SNTB2: variants seen among roughly 807,000 people sequenced by gnomAD.
SNTB2 encodes syntrophin beta 2, also known as beta-2-syntrophin.
A neutral mutation model predicts 46.2 loss-of-function variants in SNTB2; 34 were observed. That is an observed-to-expected ratio of 0.74 (90% CI 0.56 to 0.98). The LOEUF is 0.98. SNTB2 is among the 50% of genes least tolerant of loss of function. The probability of loss-of-function intolerance (pLI) is 0.00; values close to 1 mark genes in which losing one functional copy is unlikely to be tolerated. For missense variants in SNTB2, 603 were observed against 731.4 expected (o/e 0.82, Z 2.02); for synonymous variants, 290 against 312.6 (o/e 0.93, Z 0.76).
At chr16:69,287,718 G>A (rs993768619) in intron 5 of SNTB2, among the ~76,000 whole-genome samples, 1 of 151,986 alleles carries the variant, frequency 6.6e-6, no homozygotes, top group African/African-American at 2.4e-5. Flanking sequence ...AATTAGCTGA[G>A]CATAGTGGCA....
chr16:69,196,218 A>C (rs984331269), intron 1 of SNTB2, among the ~76,000 whole-genome samples: 2 of 152,152 alleles, frequency 1.3e-5, no homozygotes, highest in African/African-American at 4.8e-5. Context: ...CAGCTTGGGC[A>C]ATGGAGCAAG....
chr16:69,283,723 T>C (rs1047803645), intron 4 of SNTB2, among the ~76,000 whole-genome samples: 3 of 152,122 alleles, frequency 2.0e-5, no homozygotes, highest in Non-Finnish European at 4.4e-5. Flanking sequence ...CATGGAAAAT[T>C]AGGGCCACGG....
At chr16:69,299,383 C>T (rs11640482) in intron 5 of SNTB2, among the ~76,000 whole-genome samples, 7,630 of 152,166 alleles carry the variant, frequency 0.05, 267 homozygotes, top group Non-Finnish European at 0.071. Flanking sequence ...CTTTGCGATC[C>T]GCCTGCCTCG....
chr16:69,194,822 G>A (rs1281682709), intron 1 of SNTB2, among the ~76,000 whole-genome samples: 5 of 152,126 alleles, frequency 3.3e-5, no homozygotes, highest in Non-Finnish European at 5.9e-5. Flanking sequence ...GAAGAAGGGG[G>A]AATGGATGCT....
At chr16:69,196,993 G>A (rs1047726416) in intron 1 of SNTB2, among the ~76,000 whole-genome samples, 24 of 151,920 alleles carry the variant, frequency 1.6e-4, no homozygotes, top group African/African-American at 5.6e-4. Context: ...AGGTTATCCA[G>A]TTAATGTCTC....
chr16:69,188,890 G>A (rs1033645481), intron 1 of SNTB2, among the ~76,000 whole-genome samples: 1 of 152,196 alleles, frequency 6.6e-6, no homozygotes, highest in African/African-American at 2.4e-5. Flanking sequence ...GAATTAGCCA[G>A]GGAGGACTTT....
intron 4 of SNTB2, among the ~76,000 whole-genome samples, chr16:69,275,418 C>T (rs1228977418): frequency 1.3e-5 from 2 of 152,168 alleles, no homozygotes; most frequent in Non-Finnish European, 2.9e-5. Flanking sequence ...TTCTTTACTC[C>T]TTGTTCAGGA....
Position 69,248,888 on chromosome 16 carries a change from A to T in SNTB2, c.794+3073A>T, listed in dbSNP as rs1180897310. Among the ~76,000 whole-genome samples, 37 of 140,746 alleles carry T rather than the reference A, an allele frequency of 2.6e-4. 1 individual carries two copies. The highest frequency in any genetic ancestry group is 4.5e-4 in the South Asian group (2 of 4,450). 92.3% of individuals were successfully genotyped at this position (140,746 alleles called of 152,430 possible). A position where few individuals can be genotyped will look rare whatever the true frequency, so the allele number is the denominator to read the frequency against. Reference sequence around the variant, plus strand: ...CATGGGCTTTTTTTTTTTTTTTTTTAAAGTTAGGGGCCTTAGAGAATTAAA... The same window carrying T: ...CATGGGCTTTTTTTTTTTTTTTTTTTAAGTTAGGGGCCTTAGAGAATTAAA... On this transcript the variant is annotated intron_variant, in intron 2 of 6. Coordinates refer to ENST00000336278, the MANE Select transcript of SNTB2 (RefSeq NM_006750.4).
At chr16:69,255,431 G>T (rs1964763787) in intron 2 of SNTB2, among the ~76,000 whole-genome samples, 1 of 152,060 alleles carries the variant, frequency 6.6e-6, no homozygotes, top group Admixed American at 6.6e-5. Flanking sequence ...CATGGTGGTG[G>T]TGCCTGTAGT....
rs1965281125 is a variant in SNTB2, at chr16:69,302,115, G to A, written c.*1191G>A. 1 of 152,142 alleles carries A rather than the reference G, an allele frequency of 6.6e-6. No homozygotes were observed. Among genetic ancestry groups the A allele is most frequent in the African/African-American group, 2.4e-5 (1 of 41,424 alleles). 9.4% of individuals were successfully genotyped at this position (152,142 alleles called of 1,614,324 possible). On this transcript the variant is annotated 3_prime_UTR_variant, in exon 7 of 7. Coordinates refer to ENST00000336278, the MANE Select transcript of SNTB2 (RefSeq NM_006750.4). ...CATGGACAAGCAACTGCTAATTCGA[G>A]ACTTACTATTGGCTTCACAGCACAC... is the stretch of plus-strand genomic sequence containing the variant.
At chr16:69,200,873 T>G (rs1223639855) in intron 1 of SNTB2, among the ~76,000 whole-genome samples, 1 of 152,192 alleles carries the variant, frequency 6.6e-6, no homozygotes, top group Non-Finnish European at 1.5e-5. Context: ...TGCTTTTACT[T>G]TACCCTCACC....
At chr16:69,244,925 T>G (rs1386105516) in intron 1 of SNTB2, among the ~76,000 whole-genome samples, 1 of 152,104 alleles carries the variant, frequency 6.6e-6, no homozygotes, top group Non-Finnish European at 1.5e-5. Context: ...CTAATAAAAG[T>G]TGATTGAGTT....
At chr16:69,270,935 T>G (rs915894203) in intron 4 of SNTB2, among the ~76,000 whole-genome samples, 6 of 152,158 alleles carry the variant, frequency 3.9e-5, no homozygotes, top group African/African-American at 1.4e-4. Flanking sequence ...AAGAATCAGG[T>G]GTTGATATAA....
rs1461742728 is a variant in SNTB2, at chr16:69,214,141, TA to T, written c.580+26396del. Among the ~76,000 whole-genome samples the T allele has an allele frequency of 6.7e-4, 100 of 148,182 alleles. 2 individuals carry two copies. Among genetic ancestry groups the T allele is most frequent in the Non-Finnish European group, 1.1e-3 (73 of 66,960 alleles). On this transcript the variant is annotated intron_variant, in intron 1 of 6. Coordinates refer to ENST00000336278, the MANE Select transcript of SNTB2 (RefSeq NM_006750.4). Reference sequence around the variant, plus strand: ...CCCAGCCTTTTATTTTTTTTTTTTTTATTTTTTTTGAGACAGTCTCGCTCTG... The same window carrying T: ...CCCAGCCTTTTATTTTTTTTTTTTTTTTTTTTTTGAGACAGTCTCGCTCTG...
At chr16:69,210,489 C>T (rs182572015) in intron 1 of SNTB2, among the ~76,000 whole-genome samples, 3 of 151,494 alleles carry the variant, frequency 2.0e-5, no homozygotes, top group Non-Finnish European at 2.9e-5. Flanking sequence ...CCACCTGCCT[C>T]GGCCTCCCAG....
intron 3 of SNTB2, among the ~76,000 whole-genome samples, chr16:69,269,476 C>T (rs564420017): frequency 3.9e-4 from 59 of 151,964 alleles, no homozygotes; most frequent in Non-Finnish European, 6.5e-4. Flanking sequence ...GCGATTGTCC[C>T]GCTGCACTCC....
chr16:69,271,988 G>C (rs1964941892), intron 4 of SNTB2, among the ~76,000 whole-genome samples: 1 of 152,142 alleles, frequency 6.6e-6, no homozygotes, highest in Non-Finnish European at 1.5e-5. Context: ...AAAAGATACA[G>C]ACAAGATTTA....
intron 1 of SNTB2, among the ~76,000 whole-genome samples, chr16:69,205,295 A>T (rs1451966892): frequency 6.0e-5 from 9 of 149,392 alleles, no homozygotes; most frequent in Admixed American, 6.0e-4. Flanking sequence ...GACTACAGGC[A>T]CGCGCCACCA....
intron 1 of SNTB2, among the ~76,000 whole-genome samples, chr16:69,220,164 T>TC (rs1964387330): frequency 7.0e-6 from 1 of 142,758 alleles, no homozygotes; most frequent in African/African-American, 2.6e-5. Flanking sequence ...ATTTTTTTTT[T>TC]TTTTTTTTTT....
Sources: gnomAD v4.1 joint callset for allele counts (sites outside exome capture counted in the v4.1 genomes callset) on GRCh38, gnomAD v4.1.1 for gene constraint, MANE v1.5 for transcripts, NCBI Gene and HGNC (gene_info 2026-07-23, HGNC 2026-07-21) for gene names.